Variants in CTNNA3 observed in about 807,000 individuals in gnomAD.
CTNNA3 encodes the protein catenin alpha 3.
In CTNNA3, 76 loss-of-function variants were observed where a neutral mutation model predicts 95.7. The observed-to-expected ratio is 0.79, with a 90% CI of 0.66 to 0.96. The LOEUF (loss-of-function observed/expected upper bound fraction) is 0.96. Among genes scored for constraint, CTNNA3 ranks in the 40% least tolerant of loss-of-function variants. The probability of loss-of-function intolerance (pLI) is 0.00; values close to 1 mark genes in which losing one functional copy is unlikely to be tolerated. For missense variants in CTNNA3, 1,191 were observed against 1,089.8 expected (o/e 1.09, Z -1.31); for synonymous variants, 431 against 374.4 (o/e 1.15, Z -1.74).
At chr10:66,482,680 G>A (rs1215916425) in intron 11 of CTNNA3, among the ~76,000 whole-genome samples, 2 of 151,952 alleles carry the variant, frequency 1.3e-5, no homozygotes, top group African/African-American at 4.8e-5. Flanking sequence ...ATTTTTCACA[G>A]GAAAATGGAC....
At chr10:66,919,805 T>C (rs1008437043) in intron 7 of CTNNA3, among the ~76,000 whole-genome samples, 3 of 150,408 alleles carry the variant, frequency 2.0e-5, no homozygotes, top group Non-Finnish European at 3.0e-5. Context: ...GACATGCATA[T>C]GAGTATTCTA....
intron 1 of CTNNA3, among the ~76,000 whole-genome samples, chr10:67,720,549 G>T (rs1841174140): frequency 6.6e-6 from 1 of 151,988 alleles, no homozygotes; most frequent in African/African-American, 2.4e-5. Context: ...ACGCAGCCCT[G>T]GTGGTGACAA....
At chr10:67,541,837 A>G (rs1210317714) in intron 3 of CTNNA3, among the ~76,000 whole-genome samples, 1 of 152,124 alleles carries the variant, frequency 6.6e-6, no homozygotes, top group African/African-American at 2.4e-5. Flanking sequence ...TTTAGAGAGC[A>G]GATGAATGCC....
chr10:66,627,165 T>C (rs1342853027), intron 9 of CTNNA3, among the ~76,000 whole-genome samples: 3 of 152,060 alleles, frequency 2.0e-5, no homozygotes, highest in Non-Finnish European at 2.9e-5. Context: ...ACTTGAGAAA[T>C]AGAGAAAAGG....
intron 5 of CTNNA3, among the ~76,000 whole-genome samples, chr10:67,511,772 A>G (rs1352709856): frequency 6.6e-6 from 1 of 152,212 alleles, no homozygotes; most frequent in Non-Finnish European, 1.5e-5. Context: ...AAGGAATGGT[A>G]CCAGCTCCTC....
At chr10:66,295,093 T>G (rs2091755464) in intron 12 of CTNNA3, among the ~76,000 whole-genome samples, 1 of 152,214 alleles carries the variant, frequency 6.6e-6, no homozygotes. Flanking sequence ...ATCCTTTTGG[T>G]GACACCTGTC....
At chr10:66,981,269 A>T (rs1382130330) in intron 7 of CTNNA3, among the ~76,000 whole-genome samples, 2 of 152,220 alleles carry the variant, frequency 1.3e-5, no homozygotes, top group East Asian at 3.9e-4. Context: ...CATCCTAAAA[A>T]TGAATGATTA....
intron 15 of CTNNA3, among the ~76,000 whole-genome samples, chr10:66,042,808 G>C (rs1394256065): frequency 7.0e-6 from 1 of 143,060 alleles, no homozygotes; most frequent in Non-Finnish European, 1.5e-5. Context: ...GCTGAGGCAA[G>C]AGAATTGCTT....
chr10:67,080,453 A>G (rs1480265519), intron 7 of CTNNA3, among the ~76,000 whole-genome samples: 1 of 152,188 alleles, frequency 6.6e-6, no homozygotes, highest in Admixed American at 6.5e-5. Flanking sequence ...TCCCACTTAG[A>G]ATGTTAGGTC....
chr10:67,165,147 C>T (rs1011246046), intron 7 of CTNNA3, among the ~76,000 whole-genome samples: 1 of 152,114 alleles, frequency 6.6e-6, no homozygotes, highest in African/African-American at 2.4e-5. Context: ...AATGGTATAT[C>T]CTACCATGGA....
intron 2 of CTNNA3, among the ~76,000 whole-genome samples, chr10:67,643,841 T>C (rs1048550505): frequency 3.9e-5 from 6 of 152,254 alleles, no homozygotes; most frequent in Admixed American, 2.0e-4. Flanking sequence ...GCTTCATCCA[T>C]GTCCCTGCAA....
chr10:67,472,373 A>T (rs561813399), intron 5 of CTNNA3, among the ~76,000 whole-genome samples: 1 of 152,346 alleles, frequency 6.6e-6, no homozygotes, highest in African/African-American at 2.4e-5. Context: ...GTCACAAGAC[A>T]TCACTGGTAA....
intron 12 of CTNNA3, among the ~76,000 whole-genome samples, chr10:66,335,380 G>T (rs2092382612): frequency 6.6e-6 from 1 of 152,056 alleles, no homozygotes; most frequent in Non-Finnish European, 1.5e-5. Context: ...TTTGGTCTTT[G>T]ATGATGGTGA....
chr10:66,447,864 G>C (rs922515301), intron 11 of CTNNA3, among the ~76,000 whole-genome samples: 3 of 152,078 alleles, frequency 2.0e-5, no homozygotes, highest in African/African-American at 4.8e-5. Flanking sequence ...CACAGCAAAA[G>C]AAGCTACCAT....
chr10:66,448,859 A>T, intron 11 of CTNNA3, among the ~76,000 whole-genome samples: 1 of 152,064 alleles, frequency 6.6e-6, no homozygotes. Flanking sequence ...ATAAATAAAT[A>T]AAATTAAACT....
chr10:66,648,209 CT>C (rs1845773179), intron 9 of CTNNA3, among the ~76,000 whole-genome samples: 2 of 152,122 alleles, frequency 1.3e-5, no homozygotes, highest in Non-Finnish European at 2.9e-5. Flanking sequence ...AAGCCTTCCA[CT>C]TGTGTCCCTT....
intron 9 of CTNNA3, among the ~76,000 whole-genome samples, chr10:66,656,339 G>A (rs1469482361): frequency 6.6e-6 from 1 of 152,124 alleles, no homozygotes; most frequent in African/African-American, 2.4e-5. Flanking sequence ...TTTACATTAT[G>A]TTTCTTCAGG....
At chr10:67,534,873 C>T (rs1312580087) in intron 4 of CTNNA3, among the ~76,000 whole-genome samples, 1 of 151,984 alleles carries the variant, frequency 6.6e-6, no homozygotes, top group Non-Finnish European at 1.5e-5. Context: ...TGATAGGACA[C>T]AGAATGAGGG....
At chr10:66,120,714 GA>G (rs2082540311) in intron 13 of CTNNA3, among the ~76,000 whole-genome samples, 1 of 152,074 alleles carries the variant, frequency 6.6e-6, no homozygotes, top group Non-Finnish European at 1.5e-5. Flanking sequence ...TTAGATAATT[GA>G]AAACACTAAG....
Sources: allele counts gnomAD v4.1 joint callset (sites outside exome capture counted in the v4.1 genomes callset), GRCh38; gene constraint gnomAD v4.1.1; transcripts MANE v1.5; gene names NCBI Gene and HGNC (gene_info 2026-07-23, HGNC 2026-07-21).